MALRD1: variants seen among roughly 807,000 people sequenced by gnomAD.
MALRD1 encodes MAM and LDL receptor class A domain containing 1.
In MALRD1, 247 loss-of-function variants were observed where a neutral mutation model predicts 242.1. That is an observed-to-expected ratio of 1.02 (90% CI 0.92 to 1.13). The LOEUF (loss-of-function observed/expected upper bound fraction) is 1.13. Among genes scored for constraint, MALRD1 ranks in the 50% most tolerant of loss-of-function variants. The pLI, the probability that MALRD1 is intolerant of heterozygous loss-of-function variation, is 0.00. For synonymous variants in MALRD1, 995 were observed against 866.6 expected, an observed-to-expected ratio of 1.15 and a Z score of -2.60; for missense variants, 2,989 against 2,533.1, an observed-to-expected ratio of 1.18 and a Z score of -3.86.
rs775528359 is a variant in MALRD1 at position 19,730,786 on chromosome 10, G to T, written c.6390+5G>T. The T allele has an allele frequency of 6.5e-7, 1 of 1,536,204 alleles. No individual in the cohort carries two copies. Among genetic ancestry groups the T allele is most frequent in the South Asian group, 1.2e-5 (1 of 84,062 alleles). On this transcript the variant is annotated splice_donor_5th_base_variant and intron_variant, in intron 39 of 39. Coordinates refer to ENST00000454679, the MANE Select transcript of MALRD1 (RefSeq NM_001142308.3). Reference sequence around the variant, plus strand: ...AGCAACCCAGAGAAAACAGAGGTAAGTGGCAAGGGTGAACTATATCTTTTC... The same window carrying T: ...AGCAACCCAGAGAAAACAGAGGTAATTGGCAAGGGTGAACTATATCTTTTC...
intron 34 of MALRD1, among the ~76,000 whole-genome samples, chr10:19,603,943 T>C (rs1438461923): frequency 4.6e-5 from 7 of 152,146 alleles, no homozygotes; most frequent in African/African-American, 1.7e-4. Flanking sequence ...TCTTTTCCTC[T>C]CCTTGGGTCT....
In MALRD1 at chr10:19,531,270, A is replaced by G; in HGVS notation, c.5397A>G (p.Lys1799=). Residue 1799 remains lysine, a synonymous_variant, in exon 32 of 40, where the codon AAA becomes AAG. Transcript: ENST00000454679. ...EGSVARITTS[K]SFPASLGMCT... ...CCGTTGCCAGAATTACTACTTCCAA[A>G]TCCTTCCCAGCAAGCCTTGGAATGT... The G allele has an allele frequency of 6.5e-7, 1 of 1,550,348 alleles. No homozygotes were observed. Among genetic ancestry groups the G allele is most frequent in the Non-Finnish European group, 8.7e-7 (1 of 1,146,862 alleles).
intron 14 of MALRD1, among the ~76,000 whole-genome samples, chr10:19,177,855 C>A (rs982500608): frequency 1.3e-5 from 2 of 151,984 alleles, no homozygotes; most frequent in Non-Finnish European, 2.9e-5. Context: ...TTTCTTCCCC[C>A]CTGGGAACAG....
At chr10:19,419,432 C>T (rs1833636223) in intron 28 of MALRD1, among the ~76,000 whole-genome samples, 2 of 152,138 alleles carry the variant, frequency 1.3e-5, no homozygotes, top group South Asian at 4.2e-4. Flanking sequence ...GTAGCCATGA[C>T]TACAGGTGCA....
chr10:19,715,903 G>C (rs1283450927), intron 38 of MALRD1, among the ~76,000 whole-genome samples: 4 of 152,174 alleles, frequency 2.6e-5, no homozygotes, highest in Admixed American at 2.6e-4. Context: ...TGCAAGGGCA[G>C]CACTAAGCCC....
chr10:19,498,075 G>A (rs1320383280), intron 30 of MALRD1, among the ~76,000 whole-genome samples: 9 of 152,130 alleles, frequency 5.9e-5, no homozygotes, highest in African/African-American at 2.2e-4. Flanking sequence ...CTTTTCTTGA[G>A]TAAATGACTT....
In MALRD1 at chr10:19,048,821, A is replaced by AC; in HGVS notation, c.-118_-117insC. ...TTGTTAGAGTTGCAGATAGTTACCA[A>AC]TAGTATCCAGTTATAAGAAGCAAAT... is the stretch of plus-strand genomic sequence containing the variant. On this transcript the variant is annotated 5_prime_UTR_variant, in exon 1 of 40. Coordinates refer to ENST00000454679, the MANE Select transcript of MALRD1 (RefSeq NM_001142308.3). 23 of 717,312 alleles carry AC rather than the reference A, an allele frequency of 3.2e-5. No individual in the cohort carries two copies. Among genetic ancestry groups the AC allele is most frequent in the Non-Finnish European group, 4.4e-5 (23 of 518,116 alleles). 44.4% of individuals were successfully genotyped at this position (717,312 alleles called of 1,614,324 possible).
chr10:19,272,321 C>T (rs1346096345), intron 19 of MALRD1, among the ~76,000 whole-genome samples: 1 of 151,598 alleles, frequency 6.6e-6, no homozygotes, highest in Non-Finnish European at 1.5e-5. Context: ...ATTTCACAGA[C>T]TAGGAGAATA....
chr10:19,340,712 T>G (rs1009621497), intron 24 of MALRD1, among the ~76,000 whole-genome samples: 1 of 152,146 alleles, frequency 6.6e-6, no homozygotes, highest in African/African-American at 2.4e-5. Flanking sequence ...CTTTCACAAT[T>G]ATTACAGATA....
intron 34 of MALRD1, among the ~76,000 whole-genome samples, chr10:19,605,702 G>A (rs551731558): frequency 2.6e-5 from 4 of 151,760 alleles, no homozygotes; most frequent in Admixed American, 6.6e-5. Flanking sequence ...ATAGATCTCC[G>A]TATGCTAAAG....
At chr10:19,384,373 TATA>T (rs1427916615) in intron 26 of MALRD1, among the ~76,000 whole-genome samples, 5 of 117,960 alleles carry the variant, frequency 4.2e-5, no homozygotes, top group South Asian at 4.6e-4. Flanking sequence ...TAGTATATAA[TATA>T]ATATTTACTA....
intron 31 of MALRD1, among the ~76,000 whole-genome samples, chr10:19,517,302 C>A (rs1281638515): frequency 6.6e-6 from 1 of 152,130 alleles, no homozygotes; most frequent in Non-Finnish European, 1.5e-5. Context: ...TGAGTGCATT[C>A]ATCAGATGGC....
At chr10:19,665,296 A>T (rs1343021129) in intron 36 of MALRD1, among the ~76,000 whole-genome samples, 1 of 152,100 alleles carries the variant, frequency 6.6e-6, no homozygotes, top group Admixed American at 6.6e-5. Context: ...TCTGTGGTGG[A>T]AAGTTGTGGG....
intron 38 of MALRD1, among the ~76,000 whole-genome samples, chr10:19,727,273 AT>A (rs1835071513): frequency 1.3e-5 from 2 of 152,116 alleles, no homozygotes; most frequent in Admixed American, 6.6e-5. Context: ...TGTAACATAG[AT>A]TGGTTTTTGT....
chr10:19,433,051 A>G (rs1834207804), intron 28 of MALRD1, among the ~76,000 whole-genome samples: 1 of 152,216 alleles, frequency 6.6e-6, no homozygotes, highest in African/African-American at 2.4e-5. Context: ...TTGAACACTT[A>G]CTATGTGCAG....
intron 25 of MALRD1, 147 bp downstream of exon 25, chr10:19,348,165 A>G (rs902977733): frequency 1.9e-6 from 2 of 1,077,664 alleles, no homozygotes; most frequent in Non-Finnish European, 2.6e-6. Context: ...AAGGGGGGAA[A>G]AAATGAAGTT....
chr10:19,466,516 T>C (rs775898374), intron 29 of MALRD1, among the ~76,000 whole-genome samples: 19 of 152,226 alleles, frequency 1.2e-4, no homozygotes, highest in Non-Finnish European at 2.6e-4. Flanking sequence ...AGAAGTTAAC[T>C]TTCTCACAGT....
At chr10:19,690,584 T>A (rs1346364606) in intron 36 of MALRD1, among the ~76,000 whole-genome samples, 2 of 152,058 alleles carry the variant, frequency 1.3e-5, no homozygotes, top group African/African-American at 2.4e-5. Context: ...GAGAAAATTT[T>A]CTATCTTTAT....
At chr10:19,457,889 T>G (rs73595814) in intron 29 of MALRD1, among the ~76,000 whole-genome samples, 1 of 151,918 alleles carries the variant, frequency 6.6e-6, no homozygotes, top group African/African-American at 2.4e-5. Context: ...AATATTCAAA[T>G]AATCCTTATT....
Sources: allele counts gnomAD v4.1 joint callset (sites outside exome capture counted in the v4.1 genomes callset), GRCh38; gene constraint gnomAD v4.1.1; transcripts MANE v1.5; gene names NCBI Gene and HGNC (gene_info 2026-07-23, HGNC 2026-07-21).